Variants in ALMS1 observed in about 807,000 individuals in gnomAD.
ALMS1 encodes the protein ALMS1 centrosome and basal body associated protein, also known as centrosome-associated protein ALMS1.
Under a neutral mutation model 352.2 loss-of-function variants are expected in ALMS1, and 271 were observed. The observed-to-expected ratio is 0.77, with a 90% confidence interval of 0.70 to 0.85. The LOEUF (loss-of-function observed/expected upper bound fraction) is 0.85. Among genes scored for constraint, ALMS1 ranks in the 40% least tolerant of loss-of-function variants. The pLI, the probability that ALMS1 is intolerant of heterozygous loss-of-function variation, is 0.00. For missense variants in ALMS1, 5,445 were observed against 4,870.7 expected, an observed-to-expected ratio of 1.12 and a Z score of -3.51; for synonymous variants, 1,865 against 1,761.2, an observed-to-expected ratio of 1.06 and a Z score of -1.48.
chr2:73,549,839 G>A (rs1327550370), intron 12 of ALMS1, among the ~76,000 whole-genome samples: 1 of 151,942 alleles, frequency 6.6e-6, no homozygotes, highest in Non-Finnish European at 1.5e-5. Flanking sequence ...GTAGTGTAGT[G>A]TTTTTTTGTT....
intron 9 of ALMS1, among the ~76,000 whole-genome samples, chr2:73,480,462 A>T (rs2103863439): frequency 6.6e-6 from 1 of 152,262 alleles, no homozygotes; most frequent in East Asian, 1.9e-4. Context: ...CATTTTCTTA[A>T]TCCAGTCTAT....
intron 9 of ALMS1, 84 bp downstream of exon 9, chr2:73,455,379 A>C (rs2103798046): frequency 1.3e-6 from 2 of 1,557,002 alleles, no homozygotes; most frequent in African/African-American, 1.4e-5. Flanking sequence ...GCATCAGTTG[A>C]GTTGCTGATA....
chr2:73,410,917 C>T lies in ALMS1; in HGVS notation c.450+2170C>T, dbSNP rs967904655. Among the ~76,000 whole-genome samples the T allele has an allele frequency of 2.6e-5, 4 of 151,858 alleles. No individual in the cohort carries two copies. In the East Asian group the frequency reaches 7.7e-4, roughly 29 times the overall value. ...AATTGCAGTGATTACCTGTTAGATGCAAGATATGGAGGAAGGGAGATACAC... is the reference window on the plus strand; with the variant it reads ...AATTGCAGTGATTACCTGTTAGATGTAAGATATGGAGGAAGGGAGATACAC... On this transcript the variant is annotated intron_variant, in intron 2 of 22. Coordinates refer to ENST00000613296, the MANE Select transcript of ALMS1 (RefSeq NM_001378454.1).
chr2:73,485,168 C>T (rs538666624), intron 9 of ALMS1, among the ~76,000 whole-genome samples: 209 of 152,286 alleles, frequency 1.4e-3, no homozygotes, highest in South Asian at 3.7e-3. Context: ...TTAGAGTTTC[C>T]AGTTTTTCTG....
chr2:73,512,845 G>A (rs1344735530), intron 10 of ALMS1, among the ~76,000 whole-genome samples: 1 of 152,052 alleles, frequency 6.6e-6, no homozygotes, highest in Non-Finnish European at 1.5e-5. Flanking sequence ...TCCAGCTCTG[G>A]AATCAACTAC....
intron 10 of ALMS1, among the ~76,000 whole-genome samples, chr2:73,496,737 C>T (rs1641104351): frequency 6.6e-6 from 1 of 152,070 alleles, no homozygotes; most frequent in Non-Finnish European, 1.5e-5. Flanking sequence ...ACATCCTCAC[C>T]GATGTGTAAA....
chr2:73,502,851 G>A (rs562630385), intron 10 of ALMS1, among the ~76,000 whole-genome samples: 1 of 152,178 alleles, frequency 6.6e-6, no homozygotes, highest in South Asian at 2.1e-4. Context: ...TTTGTGGGGA[G>A]GGGAACAATA....
At chr2:73,394,051 G>A (rs1254047402) in intron 1 of ALMS1, among the ~76,000 whole-genome samples, 1 of 151,728 alleles carries the variant, frequency 6.6e-6, no homozygotes. Flanking sequence ...AAACTCTTGG[G>A]CTAAAGCCAT....
intron 12 of ALMS1, among the ~76,000 whole-genome samples, chr2:73,544,432 G>A (rs1371472613): frequency 6.6e-6 from 1 of 152,034 alleles, no homozygotes; most frequent in African/African-American, 2.4e-5. Context: ...GAGTTAATGG[G>A]TGCAGCACAC....
At chr2:73,445,732 C>A (rs1004696991) in intron 7 of ALMS1, among the ~76,000 whole-genome samples, 1 of 152,080 alleles carries the variant, frequency 6.6e-6, no homozygotes, top group African/African-American at 2.4e-5. Flanking sequence ...TTAATGTCAT[C>A]TCTAAGAGGC....
At chr2:73,466,211 A>G (rs1672339911) in intron 9 of ALMS1, among the ~76,000 whole-genome samples, 1 of 152,168 alleles carries the variant, frequency 6.6e-6, no homozygotes, top group African/African-American at 2.4e-5. Context: ...ACTATTCACA[A>G]TAGCAAATAC....
intron 10 of ALMS1, among the ~76,000 whole-genome samples, chr2:73,508,108 CTTTTCT>C (rs1164251124): frequency 6.6e-6 from 1 of 150,696 alleles, no homozygotes; most frequent in Non-Finnish European, 1.5e-5. Context: ...TTTCTCTTTT[CTTTTCT>C]CTTTTCTTTT....
chr2:73,557,245 T>C lies in ALMS1; in HGVS notation c.10104T>C (p.Thr3368=), dbSNP rs1674565923. The C allele has an allele frequency of 6.2e-7, 1 of 1,614,144 alleles. No homozygotes were observed. Among genetic ancestry groups the C allele is most frequent in the Non-Finnish European group, 8.5e-7 (1 of 1,180,014 alleles). The change falls in exon 14 of 23, where the codon ACT becomes ACC. Residue 3368 remains threonine (T), a synonymous_variant. Transcript: ENST00000613296. ...ATGCCTCAGTTCAAGTGCTAATCACTGGGGATGAGAACCTCTCAGACAAAA... is the reference window on the plus strand; with the variant it reads ...ATGCCTCAGTTCAAGTGCTAATCACCGGGGATGAGAACCTCTCAGACAAAA... The part of the protein sequence containing the change: ...NADASVQVLI[T]GDENLSDKKQ...
intron 21 of ALMS1, among the ~76,000 whole-genome samples, chr2:73,605,028 T>C (rs1326712590): frequency 1.3e-5 from 2 of 152,228 alleles, no homozygotes; most frequent in African/African-American, 4.8e-5. Flanking sequence ...AAAGCACTTA[T>C]GCCATGGTTT....
chr2:73,497,959 A>C (rs1318512841), intron 10 of ALMS1, among the ~76,000 whole-genome samples: 1 of 152,096 alleles, frequency 6.6e-6, no homozygotes, highest in Non-Finnish European at 1.5e-5. Flanking sequence ...GGCATACCTC[A>C]GATATATTGC....
chr2:73,511,683 G>T (rs955014195), intron 10 of ALMS1, among the ~76,000 whole-genome samples: 8 of 152,146 alleles, frequency 5.3e-5, no homozygotes, highest in African/African-American at 1.9e-4. Context: ...CTCTATGACA[G>T]TGGGTCTCAA....
In ALMS1 at chr2:73,490,669, C is replaced by T. The variant is rs368851263; in HGVS notation, c.8710C>T (p.His2904Tyr). The part of the protein sequence containing the change: ...PRADDHVRKH[H>Y]SPSPQHQDYV... Reference sequence around the variant, plus strand: ...TGCAGATGACCATGTGAGGAAACACCATTCTCCCTCTCCTCAACATCAGGA... The same window carrying T: ...TGCAGATGACCATGTGAGGAAACACTATTCTCCCTCTCCTCAACATCAGGA... The change falls in exon 10 of 23, where the codon CAT (histidine) becomes TAT (tyrosine). Residue 2904 changes from histidine to tyrosine, a missense_variant. Transcript: ENST00000613296. The T allele has an allele frequency of 1.9e-6, 3 of 1,614,076 alleles. No individual in the cohort carries two copies. The East Asian group carries it at 6.7e-5, about 36-fold the overall frequency.
chr2:73,551,595 C>G (rs1439675883), intron 13 of ALMS1, among the ~76,000 whole-genome samples: 2 of 151,964 alleles, frequency 1.3e-5, no homozygotes, highest in East Asian at 3.9e-4. Context: ...CCTCCACACC[C>G]AGCTAATTTT....
At chr2:73,556,160 T>C (rs978824667) in intron 13 of ALMS1, among the ~76,000 whole-genome samples, 1 of 152,206 alleles carries the variant, frequency 6.6e-6, no homozygotes, top group Non-Finnish European at 1.5e-5. Context: ...GCCTATATTT[T>C]TGGTATGCCT....
Sources: allele counts gnomAD v4.1 joint callset (sites outside exome capture counted in the v4.1 genomes callset), GRCh38; gene constraint gnomAD v4.1.1; transcripts MANE v1.5; gene names NCBI Gene and HGNC (gene_info 2026-07-23, HGNC 2026-07-21).